Variants in LRTM1 observed in about 807,000 individuals in gnomAD.
The protein encoded by LRTM1 is leucine-rich repeat and transmembrane domain-containing protein 1.
In LRTM1, 38 loss-of-function variants were observed where a neutral mutation model predicts 32.4. That is an observed-to-expected ratio of 1.17 (90% CI 0.91 to 1.54). LRTM1 has a LOEUF of 1.54. LRTM1 is among the 40% of genes most tolerant of loss of function. The pLI is 0.00. For synonymous variants in LRTM1, 186 were observed against 169.9 expected, an observed-to-expected ratio of 1.09 and a Z score of -0.74; for missense variants, 466 against 415.4, an observed-to-expected ratio of 1.12 and a Z score of -1.06.
chr3:54,951,068 A>G lies in LRTM1; in HGVS notation c.-222+15860T>C, dbSNP rs527428437. On this transcript the variant is annotated intron_variant, in intron 1 of 2. Coordinates refer to the LRTM1 transcript ENST00000493075. ...CATAGAAAATGTAACTTGTTTTCCT[A>G]TATGCTGCCAAAAAAATCTACAGAA... Among the ~76,000 whole-genome samples, 114 of 152,368 alleles carry G rather than the reference A, an allele frequency of 7.5e-4. 1 individual carries two copies. The highest frequency in any genetic ancestry group is 6.8e-3 in the South Asian group (33 of 4,822).
At chr3:54,925,722 C>T (rs545376204) in intron 1 of LRTM1, among the ~76,000 whole-genome samples, 2 of 152,196 alleles carry the variant, frequency 1.3e-5, no homozygotes, top group Non-Finnish European at 2.9e-5. Flanking sequence ...TGTGTGGCTA[C>T]CGAGCTCTTG....
intron 2 of LRTM1, among the ~76,000 whole-genome samples, chr3:54,921,979 A>C (rs1216172092): frequency 6.6e-6 from 1 of 152,188 alleles, no homozygotes; most frequent in Non-Finnish European, 1.5e-5. Flanking sequence ...TATATCTATA[A>C]TCAGACTGTC....
chr3:54,925,505 A>G (rs116841784), intron 1 of LRTM1, among the ~76,000 whole-genome samples: 1 of 152,324 alleles, frequency 6.6e-6, no homozygotes, highest in East Asian at 1.9e-4. Flanking sequence ...GATATCAAAT[A>G]GAAGGGTGAA....
At position 54,939,196 on chromosome 3, in the gene LRTM1, C is replaced by T. The variant is rs1384794399; in HGVS notation, c.-221-13981G>A. On this transcript the variant is annotated intron_variant, in intron 1 of 2. Coordinates refer to the LRTM1 transcript ENST00000493075. ...TTACAACCTTCCAGAAGTTCTCAGA[C>T]ACAGGGTGCTTTACCTGGAAATGAT... Among the ~76,000 whole-genome samples the T allele has an allele frequency of 3.9e-5, 6 of 152,198 alleles. No homozygotes were observed. In the East Asian group the frequency reaches 9.6e-4, roughly 24 times the overall value.
intron 1 of LRTM1, among the ~76,000 whole-genome samples, chr3:54,952,880 GT>G (rs1411778769): frequency 6.6e-6 from 1 of 152,176 alleles, no homozygotes; most frequent in African/African-American, 2.4e-5. Flanking sequence ...GTTCTGGGTG[GT>G]TGAGATGACA....
At chr3:54,923,347 C>T (rs1177085122) in intron 2 of LRTM1, among the ~76,000 whole-genome samples, 1 of 152,114 alleles carries the variant, frequency 6.6e-6, no homozygotes, top group Non-Finnish European at 1.5e-5. Flanking sequence ...TTTTCCCCCT[C>T]ATCAAGCCCT....
intron 1 of LRTM1, among the ~76,000 whole-genome samples, chr3:54,956,902 C>G (rs566067852): frequency 1.3e-5 from 2 of 152,028 alleles, no homozygotes; most frequent in South Asian, 4.2e-4. Context: ...AACCTCTTTG[C>G]CTTTGCTGTA....
Position 54,918,332 on chromosome 3 carries a change from CTTTTTTTTTTTTT to C in LRTM1, c.*114_*126del, listed in dbSNP as rs533596688. Reference sequence around the variant, plus strand: ...TTTTACAGACACATCTTTTTTTTTTCTTTTTTTTTTTTTTTTTTTTTTTGTCTTTTGGCAAAAG... The same window carrying C: ...TTTTACAGACACATCTTTTTTTTTTCTTTTTTTTTTGTCTTTTGGCAAAAG... On this transcript the variant is annotated 3_prime_UTR_variant, in exon 3 of 3. Transcript: ENST00000273286. The C allele has an allele frequency of 5.7e-5, 13 of 228,022 alleles. No individual in the cohort carries two copies. The highest frequency in any genetic ancestry group is 1.7e-4 in the South Asian group (3 of 17,334). 14.1% of individuals were successfully genotyped at this position (228,022 alleles called of 1,614,324 possible).
At chr3:54,929,975 T>C (rs906492189), upstream of LRTM1, among the ~76,000 whole-genome samples, 5 of 152,026 alleles carry the variant, frequency 3.3e-5, no homozygotes, top group Admixed American at 3.3e-4. Flanking sequence ...TTCCCTGGGG[T>C]CAGAAACATT....
intron 1 of LRTM1, among the ~76,000 whole-genome samples, chr3:54,951,615 G>A (rs940224279): frequency 2.6e-5 from 4 of 152,140 alleles, no homozygotes; most frequent in Non-Finnish European, 4.4e-5. Flanking sequence ...GCCACAGGGC[G>A]GCTGGCTCTG....
At chr3:54,933,142 A>G (rs1701245034) in intron 1 of LRTM1, among the ~76,000 whole-genome samples, 2 of 145,730 alleles carry the variant, frequency 1.4e-5, no homozygotes, top group Non-Finnish European at 3.0e-5. Flanking sequence ...CTTTGGATTT[A>G]CTATCCTATA....
intron 1 of LRTM1, among the ~76,000 whole-genome samples, chr3:54,946,900 A>C: frequency 6.6e-6 from 1 of 152,110 alleles, no homozygotes; most frequent in African/African-American, 2.4e-5. Flanking sequence ...AATGATCTTT[A>C]TCTGTAATTG....
chr3:54,953,276 T>C (rs1271048101), intron 1 of LRTM1, among the ~76,000 whole-genome samples: 1 of 152,188 alleles, frequency 6.6e-6, no homozygotes, highest in African/African-American at 2.4e-5. Flanking sequence ...GCATGCTGCA[T>C]GTACATGAAA....
chr3:54,949,158 T>G (rs1272850292), intron 1 of LRTM1, among the ~76,000 whole-genome samples: 1 of 152,216 alleles, frequency 6.6e-6, no homozygotes, highest in Non-Finnish European at 1.5e-5. Flanking sequence ...CAGTTCAATG[T>G]CCTGGGGCTT....
At chr3:54,962,062 C>G (rs75007423) in intron 1 of LRTM1, among the ~76,000 whole-genome samples, 1,757 of 152,146 alleles carry the variant, frequency 0.012, 30 homozygotes, top group African/African-American at 0.04. Flanking sequence ...CTCATTAATC[C>G]ATTAACCCAT....
chr3:54,965,244 G>GA (rs59499040), intron 1 of LRTM1, among the ~76,000 whole-genome samples: 60,088 of 151,626 alleles, frequency 0.4, 13,545 homozygotes, highest in East Asian at 0.56. Flanking sequence ...TCTGGCCTAC[G>GA]TACTCTTGAA....
intron 2 of LRTM1, among the ~76,000 whole-genome samples, chr3:54,923,727 G>C (rs1006317025): frequency 1.9e-4 from 29 of 152,196 alleles, no homozygotes; most frequent in African/African-American, 6.7e-4. Context: ...AAAGAATGTC[G>C]GGTCAAGACC....
At chr3:54,955,641 C>T (rs2107029413) in intron 1 of LRTM1, among the ~76,000 whole-genome samples, 1 of 152,178 alleles carries the variant, frequency 6.6e-6, no homozygotes, top group Non-Finnish European at 1.5e-5. Flanking sequence ...TGAGTCCCAA[C>T]AGAATGTTGG....
chr3:54,950,945 G>T (rs1162677350), intron 1 of LRTM1, among the ~76,000 whole-genome samples: 3 of 152,168 alleles, frequency 2.0e-5, no homozygotes, highest in African/African-American at 7.2e-5. Flanking sequence ...AGTGGCAGAG[G>T]GGAAACTGAA....
Sources: allele counts gnomAD v4.1 joint callset (sites outside exome capture counted in the v4.1 genomes callset), GRCh38; gene constraint gnomAD v4.1.1; transcripts MANE v1.5; gene names NCBI Gene and HGNC (gene_info 2026-07-23, HGNC 2026-07-21).